The following MICALL2 variants were observed in gnomAD, a reference collection of about 807,000 sequenced individuals.
MICALL2 encodes MICAL-like protein 2.
In MICALL2, 111 loss-of-function variants were observed where a neutral mutation model predicts 91.1. That is an observed-to-expected ratio of 1.22 (90% CI 1.04 to 1.43). The LOEUF (loss-of-function observed/expected upper bound fraction) is 1.43, where lower values mean the gene tolerates loss of function less well. Ranked by LOEUF, MICALL2 falls within the 40% of genes most tolerant of loss-of-function variation. The pLI is 0.00. For missense variants in MICALL2, 1,556 were observed against 1,236.0 expected, an observed-to-expected ratio of 1.26 and a Z score of -3.88; for synonymous variants, 694 against 525.3, an observed-to-expected ratio of 1.32 and a Z score of -4.39.
intron 2 of MICALL2, 65 bp downstream of exon 2, chr7:1,450,175 C>G: frequency 7.3e-7 from 1 of 1,369,500 alleles, no homozygotes; most frequent in Non-Finnish European, 1.0e-6. Flanking sequence ...CTCGGTCCCT[C>G]GGACGTGGGT....
At position 1,448,710 on chromosome 7, in the gene MICALL2, C is replaced by T. The variant is rs752846515; in HGVS notation, c.244G>A (p.Glu82Lys). The T allele has an allele frequency of 6.8e-6, 11 of 1,612,752 alleles. No homozygotes were observed. Among genetic ancestry groups the T allele is most frequent in the Middle Eastern group, 1.7e-4 (1 of 6,058 alleles). The change falls in exon 3 of 17, where the codon GAG (glutamate) becomes AAG (lysine). Residue 82 changes from glutamate (E) to lysine (K), a missense_variant. Transcript: ENST00000297508. ...GGCACCTTCAAGGCCACCATGTCCTCGGCATCCAGCAAGGCTGGGATGCCC... is the reference window on the plus strand; with the variant it reads ...GGCACCTTCAAGGCCACCATGTCCTTGGCATCCAGCAAGGCTGGGATGCCC... ...HLGIPALLDAEDMVALKVPDR... is the reference protein window; with the variant it reads ...HLGIPALLDAKDMVALKVPDR...
At chr7:1,458,106 G>A (rs1361789574) in intron 1 of MICALL2, among the ~76,000 whole-genome samples, 1 of 152,264 alleles carries the variant, frequency 6.6e-6, no homozygotes, top group African/African-American at 2.4e-5. Context: ...CTCAGAGCAG[G>A]GGCCGAGGCT....
intron 6 of MICALL2, among the ~76,000 whole-genome samples, chr7:1,444,223 C>T (rs1261739891): frequency 5.1e-5 from 6 of 116,966 alleles, no homozygotes; most frequent in Non-Finnish European, 8.4e-5. Context: ...GACCTGTCCC[C>T]GCGTCCACTC....
intron 8 of MICALL2, 112 bp downstream of exon 8, chr7:1,440,479 G>A: frequency 1.1e-6 from 1 of 943,012 alleles, no homozygotes; most frequent in Non-Finnish European, 1.7e-6. Context: ...CTACTCACAG[G>A]GAGGTGCGTC....
Position 1,436,840 on chromosome 7 carries a change from C to A in MICALL2, c.2493G>T (p.Leu831=). The A allele has an allele frequency of 6.2e-7, 1 of 1,600,082 alleles. No homozygotes were observed. Among genetic ancestry groups the A allele is most frequent in the Non-Finnish European group, 8.5e-7 (1 of 1,175,050 alleles). The part of the protein sequence containing the change: ...LMAKPEALKS[L]QERRREQELL... ...GCTCCTGCTCCCGCCGCCGCTCCTG[C>A]AGTGACTTCAGAGCCTCTGTGGGGA... Residue 831 remains leucine, a synonymous_variant, in exon 15 of 17, where the codon CTG becomes CTT. Coordinates refer to ENST00000297508, the MANE Select transcript of MICALL2 (RefSeq NM_182924.4).
intron 8 of MICALL2, chr7:1,440,354 G>A (rs1324792759): frequency 3.2e-6 from 2 of 620,026 alleles, no homozygotes; most frequent in African/African-American, 1.8e-5. Context: ...CCAGCTGCAG[G>A]CATGGTGCGT....
At chr7:1,438,677 C>T in intron 10 of MICALL2, 163 bp downstream of exon 10, 1 of 1,449,738 alleles carries the variant, frequency 6.9e-7, no homozygotes, top group Non-Finnish European at 9.0e-7. Context: ...GGTCTCTATT[C>T]ATGAGGGCGG....
chr7:1,436,883 C>A, intron 14 of MICALL2, 27 bp from the exon 15 acceptor site: 1 of 1,470,126 alleles, frequency 6.8e-7, no homozygotes, highest in Non-Finnish European at 9.2e-7. Flanking sequence ...TCAGCAGGAG[C>A]CCCCCCCACC....
At chr7:1,437,764 A>AGGT (rs1780045728) in intron 13 of MICALL2, 126 bp downstream of exon 13, 1 of 1,197,312 alleles carries the variant, frequency 8.4e-7, no homozygotes. Flanking sequence ...GACCGCAACG[A>AGGT]GGTCCTGGAC....
intron 7 of MICALL2, 74 bp from the exon 8 acceptor site, chr7:1,440,758 C>G: frequency 7.8e-7 from 1 of 1,286,218 alleles, no homozygotes; most frequent in Admixed American, 1.8e-5. Context: ...GTGGCTGTGC[C>G]TCCCCCTGCC....
chr7:1,435,067 CCAGCCCAGCCCT>C (rs1200006358), intron 16 of MICALL2, 22 bp downstream of exon 16: 1 of 1,610,058 alleles, frequency 6.2e-7, no homozygotes, highest in Admixed American at 1.7e-5. Flanking sequence ...ACCCAGCCAG[CCAGCCCAGCCCT>C]CAGCATCCCC....
intron 7 of MICALL2, chr7:1,441,856 C>T (rs908903276): frequency 8.4e-5 from 30 of 356,118 alleles, no homozygotes; most frequent in East Asian, 3.7e-4. Flanking sequence ...CCACAGACCA[C>T]GGCCAAGCCA....
chr7:1,443,118 T>G, intron 6 of MICALL2, among the ~76,000 whole-genome samples: 1 of 101,594 alleles, frequency 9.8e-6, no homozygotes, highest in South Asian at 3.8e-4. Context: ...CCTCCCCCCT[T>G]TCCCTTTACA....
Position 1,441,952 on chromosome 7 carries a change from C to A in MICALL2, c.1711+240G>T, listed in dbSNP as rs1475337805. The A allele has an allele frequency of 5.3e-6, 3 of 570,552 alleles. No homozygotes were observed. The East Asian group carries it at 9.1e-5, about 17-fold the overall frequency. 35.3% of individuals were successfully genotyped at this position (570,552 alleles called of 1,614,324 possible). On this transcript the variant is annotated intron_variant, in intron 7 of 16. Transcript: ENST00000297508. ...GGGCTGCAGGCACCTGCAGGACGTG[C>A]GGATGGGGTGGGCTGGGTGCCGGCA...
chr7:1,459,002 A>T (rs1781116383), intron 1 of MICALL2, among the ~76,000 whole-genome samples, 182 bp downstream of exon 1: 1 of 152,134 alleles, frequency 6.6e-6, no homozygotes, highest in Non-Finnish European at 1.5e-5. Flanking sequence ...GCCCAGCTGC[A>T]TTCGGTGTCC....
In MICALL2 at chr7:1,445,189, G is replaced by A. The variant is rs1037851083; in HGVS notation, c.881C>T (p.Ser294Leu). 49 of 1,594,654 alleles carry A rather than the reference G, an allele frequency of 3.1e-5. No individual in the cohort carries two copies. In the Admixed American group the frequency reaches 4.0e-4, roughly 13 times the overall value. ...PSAWEPAAGNSPARASVPAAP... is the reference protein window; with the variant it reads ...PSAWEPAAGNLPARASVPAAP... ...AGCTGGAACGGAAGCCCTGGCAGGC[G>A]AGTTGCCCGCAGCAGGCTCCCAGGC... Residue 294 changes from serine (S) to leucine (L), a missense_variant, in exon 6 of 17, where the codon TCG becomes TTG. Ser to Leu is a moderately radical substitution (Grantham distance 145). Transcript: ENST00000297508.
chr7:1,445,166 C>A lies in MICALL2; in HGVS notation c.904G>T (p.Ala302Ser), dbSNP rs1194931927. 5 of 1,581,168 alleles carry A rather than the reference C, an allele frequency of 3.2e-6. No individual in the cohort carries two copies. The highest frequency in any genetic ancestry group is 4.3e-6 in the Non-Finnish European group (5 of 1,164,898). The change falls in exon 6 of 17, where the codon GCT (alanine) becomes TCT (serine). Residue 302 changes from alanine to serine, a missense_variant. Ala to Ser is a moderately conservative substitution (Grantham distance 99). Transcript: ENST00000297508. The part of the protein sequence containing the change: ...GNSPARASVP[A>S]APNPAATSAT... ...CTGGTGGCTGCAGGGTTGGGTGCAG[C>A]TGGAACGGAAGCCCTGGCAGGCGAG... is the stretch of plus-strand genomic sequence containing the variant.
intron 11 of MICALL2, 28 bp from the exon 12 acceptor site, chr7:1,438,248 C>T (rs763562668): frequency 2.8e-5 from 44 of 1,588,488 alleles, no homozygotes; most frequent in South Asian, 1.5e-4. Flanking sequence ...GTGAGGATGC[C>T]GGAGGGCTGG....
rs139907789 is a variant in MICALL2, at chr7:1,450,787, G to A, written c.144-499C>T. On this transcript the variant is annotated intron_variant, in intron 1 of 16. Coordinates refer to ENST00000297508, the MANE Select transcript of MICALL2 (RefSeq NM_182924.4). ...AGGGCCAGCCACGCTGCCCCCGAGG[G>A]CAGGACAGGCCCCGGATCCACCTCG... 4.7e-3 allele frequency among the ~76,000 whole-genome samples: 713 copies of A among 151,020 alleles called. 8 individuals are homozygous for A. The highest frequency in any genetic ancestry group is 0.017 in the African/African-American group (686 of 41,110).
Sources: gnomAD v4.1 joint callset for allele counts (sites outside exome capture counted in the v4.1 genomes callset) on GRCh38, gnomAD v4.1.1 for gene constraint, MANE v1.5 for transcripts, NCBI Gene and HGNC (gene_info 2026-07-23, HGNC 2026-07-21) for gene names.